The following ARHGAP10 variants were observed in gnomAD, a reference collection of about 807,000 sequenced individuals.
ARHGAP10 encodes rho GTPase-activating protein 10.
ARHGAP10 carries 87 observed loss-of-function variants against 108.6 expected under a neutral mutation model. The ratio of observed to expected loss-of-function variants is 0.80; its 90% CI spans 0.67 to 0.96. The LOEUF is 0.96. Among genes scored for constraint, ARHGAP10 ranks in the 40% least tolerant of loss-of-function variants. ARHGAP10 has a pLI of 0.00. For missense variants in ARHGAP10, 939 were observed against 954.5 expected, an observed-to-expected ratio of 0.98 and a Z score of 0.21; for synonymous variants, 347 against 341.1, an observed-to-expected ratio of 1.02 and a Z score of -0.19.
Position 147,961,398 on chromosome 4 carries a change from T to C in ARHGAP10, c.1451-3626T>C, listed in dbSNP as rs139140377. Among the ~76,000 whole-genome samples, 8 of 152,356 alleles carry C rather than the reference T, an allele frequency of 5.3e-5. No homozygotes were observed. In the East Asian group the frequency reaches 1.5e-3, roughly 29 times the overall value. ...TTTGTCTGTTGGATTGTCTCTTTTT[T>C]CCCTGATTGGTTTGTAGTTCTTTCT... On this transcript the variant is annotated intron_variant, in intron 16 of 22. Coordinates refer to ENST00000336498, the MANE Select transcript of ARHGAP10 (RefSeq NM_024605.4).
At chr4:147,741,776 A>ACACACACACG (rs1728667685) in intron 1 of ARHGAP10, among the ~76,000 whole-genome samples, 2 of 36,328 alleles carry the variant, frequency 5.5e-5, no homozygotes, top group African/African-American at 7.6e-5. Context: ...TTACACACAC[A>ACACACACACG]CACACACACA....
At chr4:147,875,210 C>T (rs1312295642) in intron 8 of ARHGAP10, 60 bp downstream of exon 8, 7 of 1,477,800 alleles carry the variant, frequency 4.7e-6, no homozygotes, top group Non-Finnish European at 6.3e-6. Flanking sequence ...ATTGAAAACT[C>T]TGCTATTCTT....
At chr4:147,877,807 T>C (rs1735134179) in intron 8 of ARHGAP10, among the ~76,000 whole-genome samples, 1 of 143,748 alleles carries the variant, frequency 7.0e-6, no homozygotes, top group Non-Finnish European at 1.5e-5. Flanking sequence ...CTTAGATTTC[T>C]TATTCTTCAT....
chr4:147,855,763 C>T (rs1028983912), intron 4 of ARHGAP10, among the ~76,000 whole-genome samples: 2 of 147,742 alleles, frequency 1.4e-5, no homozygotes, highest in African/African-American at 5.0e-5. Flanking sequence ...AACCTCAGTT[C>T]CTGAGTCTCT....
At chr4:147,895,686 A>C (rs1216945940) in intron 10 of ARHGAP10, among the ~76,000 whole-genome samples, 1 of 133,888 alleles carries the variant, frequency 7.5e-6, no homozygotes, top group Non-Finnish European at 1.6e-5. Context: ...ACCCTGTCTC[A>C]AAAAAAAAAA....
chr4:147,757,438 T>A (rs1012302462), intron 1 of ARHGAP10, among the ~76,000 whole-genome samples: 1 of 152,102 alleles, frequency 6.6e-6, no homozygotes, highest in Non-Finnish European at 1.5e-5. Flanking sequence ...TCAGGCAATC[T>A]GCCCGCCTCG....
intron 10 of ARHGAP10, among the ~76,000 whole-genome samples, chr4:147,893,947 A>G (rs1351787911): frequency 6.6e-6 from 1 of 152,182 alleles, no homozygotes. Context: ...GACACATTTT[A>G]TATGGGCTGT....
intron 22 of ARHGAP10, among the ~76,000 whole-genome samples, chr4:148,070,671 G>C (rs1376328624): frequency 6.6e-6 from 1 of 152,218 alleles, no homozygotes; most frequent in Non-Finnish European, 1.5e-5. Context: ...TAAGAGTATT[G>C]CTTCATGAAA....
chr4:147,969,143 G>C (rs991457982), intron 18 of ARHGAP10, among the ~76,000 whole-genome samples: 1 of 152,120 alleles, frequency 6.6e-6, no homozygotes, highest in Non-Finnish European at 1.5e-5. Context: ...AGTCCCTTTG[G>C]GGAAGGCATA....
intron 1 of ARHGAP10, among the ~76,000 whole-genome samples, chr4:147,763,053 CAG>C (rs1015713719): frequency 6.6e-6 from 1 of 152,040 alleles, no homozygotes; most frequent in African/African-American, 2.4e-5. Flanking sequence ...AATATGAAAA[CAG>C]AAAACCCATA....
chr4:148,066,244 GA>G (rs2149692684), intron 22 of ARHGAP10, among the ~76,000 whole-genome samples: 1 of 152,298 alleles, frequency 6.6e-6, no homozygotes, highest in East Asian at 1.9e-4. Context: ...TTAAGAATGA[GA>G]AAACTTTTCC....
At chr4:148,062,435 C>T (rs1036569816) in intron 20 of ARHGAP10, among the ~76,000 whole-genome samples, 2 of 152,208 alleles carry the variant, frequency 1.3e-5, no homozygotes, top group East Asian at 1.9e-4. Context: ...CGAGACACTT[C>T]TCAAGGGAAT....
intron 3 of ARHGAP10, among the ~76,000 whole-genome samples, chr4:147,835,962 T>G (rs1331517203): frequency 1.3e-5 from 2 of 152,262 alleles, no homozygotes; most frequent in African/African-American, 4.8e-5. Context: ...ATCTGCTGCA[T>G]ATCCTTATTA....
intron 3 of ARHGAP10, 31 bp from the exon 4 acceptor site, chr4:147,847,120 G>A (rs769996449): frequency 6.4e-7 from 1 of 1,574,162 alleles, no homozygotes; most frequent in Admixed American, 1.7e-5. Context: ...ACCTAATGCT[G>A]TGCTCTTTTG....
At chr4:147,934,833 A>G (rs1271679252) in intron 13 of ARHGAP10, among the ~76,000 whole-genome samples, 1 of 152,212 alleles carries the variant, frequency 6.6e-6, no homozygotes, top group African/African-American at 2.4e-5. Flanking sequence ...ACCCTGCCTT[A>G]AAAATAAAAA....
intron 18 of ARHGAP10, among the ~76,000 whole-genome samples, chr4:147,975,543 C>T (rs1739560434): frequency 6.6e-6 from 1 of 152,204 alleles, no homozygotes; most frequent in African/African-American, 2.4e-5. Flanking sequence ...CAAGGGCCTT[C>T]TTGATGCATC....
chr4:147,891,303 A>T (rs1218622547), intron 10 of ARHGAP10, among the ~76,000 whole-genome samples: 1 of 152,246 alleles, frequency 6.6e-6, no homozygotes, highest in African/African-American at 2.4e-5. Flanking sequence ...ATGCTACTGT[A>T]TGAATGACAC....
chr4:147,743,757 A>C (rs1382154853), intron 1 of ARHGAP10, among the ~76,000 whole-genome samples: 1 of 152,200 alleles, frequency 6.6e-6, no homozygotes, highest in Non-Finnish European at 1.5e-5. Flanking sequence ...AGCCTGGGCA[A>C]CAAGAGTGAA....
chr4:147,963,036 T>G (rs894358651), intron 16 of ARHGAP10, among the ~76,000 whole-genome samples: 1 of 152,212 alleles, frequency 6.6e-6, no homozygotes, highest in African/African-American at 2.4e-5. Context: ...CCTATTCTAA[T>G]CCATCCTTTA....
Sources: allele counts gnomAD v4.1 joint callset (sites outside exome capture counted in the v4.1 genomes callset), GRCh38; gene constraint gnomAD v4.1.1; transcripts MANE v1.5; gene names NCBI Gene and HGNC (gene_info 2026-07-23, HGNC 2026-07-21).